The following ADCY8 variants were observed in gnomAD, a reference collection of about 807,000 sequenced individuals.
ADCY8 encodes adenylate cyclase type 8.
ADCY8 carries 51 observed loss-of-function variants against 119.7 expected under a neutral mutation model. That is an observed-to-expected ratio of 0.43 (90% CI 0.34 to 0.54). The LOEUF (loss-of-function observed/expected upper bound fraction) is 0.54, where lower values mean the gene tolerates loss of function less well. ADCY8 is among the 20% of genes least tolerant of loss of function. The probability of loss-of-function intolerance (pLI) is 0.03; values close to 1 mark genes in which losing one functional copy is unlikely to be tolerated. For missense variants in ADCY8, 1,383 were observed against 1,598.8 expected (o/e 0.87, Z 2.30); for synonymous variants, 665 against 651.0 (o/e 1.02, Z -0.33).
At chr8:130,785,237 A>G (rs891720320) in intron 16 of ADCY8, 146 bp downstream of exon 16, 22 of 481,956 alleles carry the variant, frequency 4.6e-5, no homozygotes, top group African/African-American at 2.2e-4. Context: ...GCAAATCCAC[A>G]TCACGTAACT....
intron 4 of ADCY8, among the ~76,000 whole-genome samples, chr8:130,940,260 T>C (rs1336474053): frequency 1.3e-5 from 2 of 152,202 alleles, no homozygotes; most frequent in Non-Finnish European, 2.9e-5. Flanking sequence ...ATGCTCTCTC[T>C]TGGCAAAACT....
At chr8:131,026,421 A>C (rs1010011766) in intron 1 of ADCY8, among the ~76,000 whole-genome samples, 3 of 152,144 alleles carry the variant, frequency 2.0e-5, no homozygotes, top group Non-Finnish European at 2.9e-5. Flanking sequence ...CAGTTATGGT[A>C]TATTGCTATG....
intron 7 of ADCY8, among the ~76,000 whole-genome samples, chr8:130,886,553 T>A (rs1818992407): frequency 6.6e-6 from 1 of 152,092 alleles, no homozygotes; most frequent in Non-Finnish European, 1.5e-5. Context: ...AGAAATTTTT[T>A]TCATATGGCA....
At position 130,780,576 on chromosome 8, in the gene ADCY8, G is replaced by T. The variant is rs559664737; in HGVS notation, c.3570C>A (p.Tyr1190Ter). The change falls in exon 18 of 18, where the codon TAC becomes TAA. Residue 1190 changes from tyrosine (Y) to a stop codon, truncating the protein, a stop_gained. Coordinates refer to ENST00000286355, the MANE Select transcript of ADCY8 (RefSeq NM_001115.3). LOFTEE classifies it high-confidence loss of function. ...GTCCCAGGACAACCGCGGCCAGGGAGTACTGCCCAGGCAGTCTTCTTGGGG... is the reference window on the plus strand; with the variant it reads ...GTCCCAGGACAACCGCGGCCAGGGATTACTGCCCAGGCAGTCTTCTTGGGG... ...ILPPRRLPGQ[Y>*]SLAAVVLGLV... 1 of 1,614,144 alleles carries T rather than the reference G, an allele frequency of 6.2e-7. No homozygotes were observed. The highest frequency in any genetic ancestry group is 8.5e-7 in the Non-Finnish European group (1 of 1,180,010).
chr8:130,917,470 G>C (rs557526757), intron 5 of ADCY8, among the ~76,000 whole-genome samples: 1 of 152,290 alleles, frequency 6.6e-6, no homozygotes, highest in African/African-American at 2.4e-5. Context: ...CAGTGGAAAG[G>C]TAATGGGGAA....
chr8:130,912,714 G>A (rs1316139585), intron 5 of ADCY8, among the ~76,000 whole-genome samples: 1 of 152,166 alleles, frequency 6.6e-6, no homozygotes, highest in African/African-American at 2.4e-5. Flanking sequence ...GTGAACATTA[G>A]AAGAAATGCT....
chr8:130,791,244 A>T (rs142131337), intron 15 of ADCY8, among the ~76,000 whole-genome samples: 1 of 152,280 alleles, frequency 6.6e-6, no homozygotes, highest in African/African-American at 2.4e-5. Flanking sequence ...GGAGTCAGGG[A>T]AAAGGGGAGA....
intron 2 of ADCY8, among the ~76,000 whole-genome samples, chr8:130,987,344 T>C (rs1301642870): frequency 6.6e-6 from 1 of 152,178 alleles, no homozygotes; most frequent in Non-Finnish European, 1.5e-5. Context: ...TTCAGCTTCT[T>C]CTACACCTGG....
At chr8:130,831,973 C>T (rs775918363) in intron 12 of ADCY8, among the ~76,000 whole-genome samples, 7 of 152,168 alleles carry the variant, frequency 4.6e-5, no homozygotes, top group Non-Finnish European at 1.0e-4. Context: ...ATTTCTACAG[C>T]ATAGGGACTA....
intron 17 of ADCY8, among the ~76,000 whole-genome samples, chr8:130,782,867 G>C (rs1276196199): frequency 6.6e-6 from 1 of 152,200 alleles, no homozygotes; most frequent in African/African-American, 2.4e-5. Context: ...TGGCATATCA[G>C]CCAGAAGATG....
intron 3 of ADCY8, 35 bp from the exon 4 acceptor site, chr8:130,943,497 G>GGGGGGGCCCCCCCCC: frequency 2.0e-6 from 1 of 491,352 alleles, no homozygotes; most frequent in Non-Finnish European, 4.2e-6. Context: ...GTGGGGGGAG[G>GGGGGGGCCCCCCCCC]AAGTATATTA....
intron 3 of ADCY8, among the ~76,000 whole-genome samples, chr8:130,945,767 G>C (rs1001714327): frequency 6.6e-6 from 1 of 152,218 alleles, no homozygotes; most frequent in Non-Finnish European, 1.5e-5. Flanking sequence ...CCTAACTGTT[G>C]ATGAAGCCTG....
intron 7 of ADCY8, among the ~76,000 whole-genome samples, chr8:130,885,536 C>A (rs1227798723): frequency 6.6e-6 from 1 of 152,054 alleles, no homozygotes; most frequent in Non-Finnish European, 1.5e-5. Context: ...CGAAGACACA[C>A]CAGGTTTGGC....
At chr8:130,884,445 C>G in intron 8 of ADCY8, 119 bp downstream of exon 8, 1 of 1,095,730 alleles carries the variant, frequency 9.1e-7, no homozygotes. Flanking sequence ...AGTACCAAAC[C>G]AAACCAAAGC....
chr8:130,815,197 C>G (rs1816299562), intron 13 of ADCY8, among the ~76,000 whole-genome samples: 2 of 152,190 alleles, frequency 1.3e-5, no homozygotes, highest in African/African-American at 4.8e-5. Context: ...GAGCCCTCAT[C>G]AGAAAACAAA....
intron 1 of ADCY8, among the ~76,000 whole-genome samples, chr8:130,994,611 G>A (rs1286396467): frequency 6.6e-6 from 1 of 152,166 alleles, no homozygotes; most frequent in African/African-American, 2.4e-5. Context: ...ACAACTGTGA[G>A]GAATCACTGA....
chr8:131,026,869 TCTCTTCAACAAC>T (rs1823839203), intron 1 of ADCY8, among the ~76,000 whole-genome samples: 1 of 152,218 alleles, frequency 6.6e-6, no homozygotes, highest in Non-Finnish European at 1.5e-5. Flanking sequence ...TATTATTTCA[TCTCTTCAACAAC>T]CTCCTGAGCT....
chr8:130,909,365 A>G (rs982246956), intron 6 of ADCY8, among the ~76,000 whole-genome samples: 1 of 152,200 alleles, frequency 6.6e-6, no homozygotes, highest in Non-Finnish European at 1.5e-5. Flanking sequence ...AGAACTTAAA[A>G]TAGATTCTGC....
chr8:130,921,574 C>G (rs369297313), intron 5 of ADCY8, among the ~76,000 whole-genome samples: 19 of 151,886 alleles, frequency 1.3e-4, no homozygotes, highest in Middle Eastern at 3.4e-3. Flanking sequence ...CTGCCTCAGC[C>G]TCCCTAGTAG....
Sources: allele counts gnomAD v4.1 joint callset (sites outside exome capture counted in the v4.1 genomes callset), GRCh38; gene constraint gnomAD v4.1.1; transcripts MANE v1.5; gene names NCBI Gene and HGNC (gene_info 2026-07-23, HGNC 2026-07-21).